The following SOX8 variants were observed in gnomAD, a reference collection of about 807,000 sequenced individuals.
SOX8 encodes transcription factor SOX-8.
SOX8 carries 9 observed loss-of-function variants against 22.9 expected under a neutral mutation model. The observed-to-expected ratio is 0.39, with a 90% CI of 0.24 to 0.69. The LOEUF (loss-of-function observed/expected upper bound fraction) is 0.69. Ranked by LOEUF, SOX8 falls within the 30% of genes least tolerant of loss-of-function variation. The pLI is 0.43. For missense variants in SOX8, 734 were observed against 699.4 expected (o/e 1.05, Z -0.56); for synonymous variants, 416 against 330.6 (o/e 1.26, Z -2.80).
Position 985,452 on chromosome 16 carries a change from G to A in SOX8, c.*66G>A. ...AGCCTTGTCCCGGCCCAGTGTGTGT[G>A]ACCAGGGCGGGAGGGGCCCCAGTGG... is the stretch of plus-strand genomic sequence containing the variant. On this transcript the variant is annotated 3_prime_UTR_variant, in exon 3 of 3. Coordinates refer to ENST00000293894, the MANE Select transcript of SOX8 (RefSeq NM_014587.5). 1 of 1,364,426 alleles carries A rather than the reference G, an allele frequency of 7.3e-7. No homozygotes were observed. Among genetic ancestry groups the A allele is most frequent in the Non-Finnish European group, 9.8e-7 (1 of 1,025,634 alleles). 84.5% of individuals were successfully genotyped at this position (1,364,426 alleles called of 1,614,324 possible). A position where few individuals can be genotyped will look rare whatever the true frequency, so the allele number is the denominator to read the frequency against.
Position 981,918 on chromosome 16 carries a change from C to T in SOX8, c.-5C>T. 1 of 1,279,944 alleles carries T rather than the reference C, an allele frequency of 7.8e-7. No homozygotes were observed. The highest frequency in any genetic ancestry group is 9.9e-7 in the Non-Finnish European group (1 of 1,012,160). 79.3% of individuals were successfully genotyped at this position (1,279,944 alleles called of 1,614,324 possible). On this transcript the variant is annotated 5_prime_UTR_variant, in exon 1 of 3. Coordinates refer to ENST00000293894, the MANE Select transcript of SOX8 (RefSeq NM_014587.5). ...CCTGTGCGCGCCCCTCCGCGCGCGG[C>T]CCCGATGCTGGACATGAGCGAGGCC...
At position 985,435 on chromosome 16, in the gene SOX8, C is replaced by G; in HGVS notation, c.*49C>G. 1 of 1,431,522 alleles carries G rather than the reference C, an allele frequency of 7.0e-7. No individual in the cohort carries two copies. The highest frequency in any genetic ancestry group is 9.3e-7 in the Non-Finnish European group (1 of 1,076,666). 88.7% of individuals were successfully genotyped at this position (1,431,522 alleles called of 1,614,324 possible). A position where few individuals can be genotyped will look rare whatever the true frequency, so the allele number is the denominator to read the frequency against. ...CGCAGGCGTCAGGGGGCAGCCTTGTCCCGGCCCAGTGTGTGTGACCAGGGC... is the reference window on the plus strand; with the variant it reads ...CGCAGGCGTCAGGGGGCAGCCTTGTGCCGGCCCAGTGTGTGTGACCAGGGC... On this transcript the variant is annotated 3_prime_UTR_variant, in exon 3 of 3. Coordinates refer to ENST00000293894, the MANE Select transcript of SOX8 (RefSeq NM_014587.5).
chr16:985,559 T>G lies in SOX8; in HGVS notation c.*173T>G. 1.8e-6 allele frequency: 1 copy of G among 559,104 alleles called. No homozygotes were observed. Among genetic ancestry groups the G allele is most frequent in the Non-Finnish European group, 3.1e-6 (1 of 321,890 alleles). The allele number at this position is 559,104 out of a possible 1,614,324, so 34.6% of individuals were successfully genotyped here. ...CTCGGCCTCCAGATGGCCACACCTC[T>G]GCCGACGACGGACCAGCTCCCTCTC... On this transcript the variant is annotated 3_prime_UTR_variant, in exon 3 of 3. Coordinates refer to ENST00000293894, the MANE Select transcript of SOX8 (RefSeq NM_014587.5).
chr16:984,156 C>T (rs11863645), intron 2 of SOX8, among the ~76,000 whole-genome samples, 196 bp downstream of exon 2: 4,481 of 152,330 alleles, frequency 0.029, 214 homozygotes, highest in African/African-American at 0.1. Context: ...TGCTTAGCCA[C>T]CTTGAGTGCT....
Position 982,033 on chromosome 16 carries a change from C to T in SOX8, c.111C>T (p.Ala37=), listed in dbSNP as rs2073394391. The T allele has an allele frequency of 2.2e-6, 3 of 1,380,854 alleles. No individual in the cohort carries two copies. The highest frequency in any genetic ancestry group is 2.8e-5 in the Admixed American group (1 of 35,368). 85.5% of individuals were successfully genotyped at this position (1,380,854 alleles called of 1,614,324 possible). A position where few individuals can be genotyped will look rare whatever the true frequency, so the allele number is the denominator to read the frequency against. The change falls in exon 1 of 3, where the codon GCC becomes GCT. Residue 37 remains alanine, a synonymous_variant. Transcript: ENST00000293894. ...DSDSDAPPSP[A]GSEGLGRAGV... is the part of the protein sequence containing the mutation. The stretch of plus-strand genomic sequence containing the variant: ...ACTCGGACGCGCCGCCGTCTCCCGC[C>T]GGCTCCGAGGGCCTGGGCCGCGCGG...
In SOX8 at chr16:984,930, C is replaced by T. The variant is rs56253414; in HGVS notation, c.885C>T (p.Ala295=). Reference sequence around the variant, plus strand: ...AGTACCTGCCCCTGGGCGGCCCCGCCCCACCCGAGCCGGGCCAGGCCTATG... The same window carrying T: ...AGTACCTGCCCCTGGGCGGCCCCGCTCCACCCGAGCCGGGCCAGGCCTATG... ...FDQYLPLGGP[A]PPEPGQAYGG... is the part of the protein sequence containing the mutation. Residue 295 remains alanine, a synonymous_variant, in exon 3 of 3, where the codon GCC becomes GCT. Coordinates refer to ENST00000293894, the MANE Select transcript of SOX8 (RefSeq NM_014587.5). 4 of 1,602,792 alleles carry T rather than the reference C, an allele frequency of 2.5e-6. No individual in the cohort carries two copies. In the African/African-American group the frequency reaches 4.0e-5, roughly 16 times the overall value.
Position 985,524 on chromosome 16 carries a change from G to A in SOX8, c.*138G>A. 1 of 697,032 alleles carries A rather than the reference G, an allele frequency of 1.4e-6. No individual in the cohort carries two copies. Among genetic ancestry groups the A allele is most frequent in the Non-Finnish European group, 2.3e-6 (1 of 441,728 alleles). 43.2% of individuals were successfully genotyped at this position (697,032 alleles called of 1,614,324 possible). Reference sequence around the variant, plus strand: ...AAGTCTGCAGGGAAACACGCTTGCTGCCCGTGGCCCTCGGCCTCCAGATGG... The same window carrying A: ...AAGTCTGCAGGGAAACACGCTTGCTACCCGTGGCCCTCGGCCTCCAGATGG... On this transcript the variant is annotated 3_prime_UTR_variant, in exon 3 of 3. Transcript: ENST00000293894.
At chr16:983,028 T>G (rs1399465979) in intron 1 of SOX8, 1 of 152,356 alleles carries the variant, frequency 6.6e-6, no homozygotes, top group Non-Finnish European at 1.5e-5. Flanking sequence ...CCGAGTGTCC[T>G]CTGGTTGGGT....
rs899678143 is a variant in SOX8 at position 981,985 on chromosome 16, C to T, written c.63C>T (p.Ser21=). 2.8e-6 allele frequency: 4 copies of T among 1,449,210 alleles called. No individual in the cohort carries two copies. Among genetic ancestry groups the T allele is most frequent in the Middle Eastern group, 2.6e-4 (1 of 3,852 alleles). The allele number at this position is 1,449,210 out of a possible 1,614,324, so 89.8% of individuals were successfully genotyped here. The part of the protein sequence containing the change: ...PPCSPSGTAS[S]MSHVEDSDSD... ...GCAGCCCGTCCGGCACCGCCAGCTC[C>T]ATGTCGCACGTGGAGGACTCGGACT... is the stretch of plus-strand genomic sequence containing the variant. Residue 21 remains serine (S), a synonymous_variant, in exon 1 of 3, where the codon TCC becomes TCT. Coordinates refer to ENST00000293894, the MANE Select transcript of SOX8 (RefSeq NM_014587.5).
chr16:983,648 C>A, intron 1 of SOX8, 80 bp from the exon 2 acceptor site: 1 of 1,348,376 alleles, frequency 7.4e-7, no homozygotes, highest in Non-Finnish European at 1.0e-6. Flanking sequence ...GCCTCTGCTG[C>A]CGGTTCCCCC....
chr16:984,548 G>A (rs1244650157), intron 2 of SOX8, among the ~76,000 whole-genome samples, 153 bp from the exon 3 acceptor site: 2 of 152,226 alleles, frequency 1.3e-5, no homozygotes, highest in Non-Finnish European at 1.5e-5. Context: ...GTCTAGGTCT[G>A]ACTTTGCTGG....
chr16:982,680 G>C (rs1268847198), intron 1 of SOX8: 1 of 255,904 alleles, frequency 3.9e-6, no homozygotes, highest in African/African-American at 2.2e-5. Context: ...CAGCCGTTGC[G>C]AGTGGCCCCA....
chr16:981,906 C>T lies in SOX8; in HGVS notation c.-17C>T. The T allele has an allele frequency of 8.1e-7, 1 of 1,234,284 alleles. No homozygotes were observed. The highest frequency in any genetic ancestry group is 1.0e-6 in the Non-Finnish European group (1 of 987,170). 76.5% of individuals were successfully genotyped at this position (1,234,284 alleles called of 1,614,324 possible). Reference sequence around the variant, plus strand: ...CGGTGCGCGTCTCCTGTGCGCGCCCCTCCGCGCGCGGCCCCGATGCTGGAC... The same window carrying T: ...CGGTGCGCGTCTCCTGTGCGCGCCCTTCCGCGCGCGGCCCCGATGCTGGAC... On this transcript the variant is annotated 5_prime_UTR_variant, in exon 1 of 3. Coordinates refer to ENST00000293894, the MANE Select transcript of SOX8 (RefSeq NM_014587.5).
Position 982,282 on chromosome 16 carries a change from G to A in SOX8, c.360G>A (p.Leu120=), listed in dbSNP as rs532542071. ...MVWAQAARRK[L]ADQYPHLHNA... is the part of the protein sequence containing the mutation. ...GGGCGCAGGCGGCGCGCCGCAAGCT[G>A]GCCGACCAGTACCCGCACCTGCACA... The change falls in exon 1 of 3, where the codon CTG becomes CTA. Residue 120 remains leucine, a synonymous_variant. Coordinates refer to ENST00000293894, the MANE Select transcript of SOX8 (RefSeq NM_014587.5). 10 of 1,522,542 alleles carry A rather than the reference G, an allele frequency of 6.6e-6. No homozygotes were observed. The African/African-American group carries it at 8.6e-5, about 13-fold the overall frequency. 94.3% of individuals were successfully genotyped at this position (1,522,542 alleles called of 1,614,324 possible). A position where few individuals can be genotyped will look rare whatever the true frequency, so the allele number is the denominator to read the frequency against.
rs2073462969 is a variant in SOX8, at chr16:986,438, T to A, written c.*1052T>A. ...TGGTAGGACACATAGGACACAGGAATTCCTGGGTCCTTGCCCATGACTGTG... is the reference window on the plus strand; with the variant it reads ...TGGTAGGACACATAGGACACAGGAAATCCTGGGTCCTTGCCCATGACTGTG... On this transcript the variant is annotated 3_prime_UTR_variant, in exon 3 of 3. Transcript: ENST00000293894. 6.6e-6 allele frequency: 1 copy of A among 152,230 alleles called. No homozygotes were observed. The highest frequency in any genetic ancestry group is 6.5e-5 in the Admixed American group (1 of 15,286). 9.4% of individuals were successfully genotyped at this position (152,230 alleles called of 1,614,324 possible).
chr16:982,417 T>C, intron 1 of SOX8, 73 bp downstream of exon 1: 1 of 1,270,700 alleles, frequency 7.9e-7, no homozygotes. Context: ...AGCGGGGGCC[T>C]GGAGGGCGCA....
chr16:981,889 G>T lies in SOX8; in HGVS notation c.-34G>T, dbSNP rs1457418910. 7.4e-5 allele frequency: 87 copies of T among 1,169,776 alleles called. No homozygotes were observed. The highest frequency in any genetic ancestry group is 9.0e-5 in the Non-Finnish European group (85 of 949,142). The allele number at this position is 1,169,776 out of a possible 1,614,324, so 72.5% of individuals were successfully genotyped here. On this transcript the variant is annotated 5_prime_UTR_variant, in exon 1 of 3. Coordinates refer to ENST00000293894, the MANE Select transcript of SOX8 (RefSeq NM_014587.5). ...GCCCCGGGCGCCGGCCCCGGTGCGC[G>T]TCTCCTGTGCGCGCCCCTCCGCGCG... is the stretch of plus-strand genomic sequence containing the variant.
intron 1 of SOX8, 41 bp downstream of exon 1, chr16:982,385 C>T (rs2151519821): frequency 2.3e-6 from 3 of 1,307,118 alleles, no homozygotes; most frequent in African/African-American, 3.1e-5. Flanking sequence ...GGGACCTTGG[C>T]CGCCCCTGGT....
Position 986,059 on chromosome 16 carries a change from T to A in SOX8, c.*673T>A, listed in dbSNP as rs1000414213. 5 of 152,112 alleles carry A rather than the reference T, an allele frequency of 3.3e-5. No homozygotes were observed. Among genetic ancestry groups the A allele is most frequent in the Non-Finnish European group, 5.9e-5 (4 of 67,998 alleles). 9.4% of individuals were successfully genotyped at this position (152,112 alleles called of 1,614,324 possible). On this transcript the variant is annotated 3_prime_UTR_variant, in exon 3 of 3. Coordinates refer to ENST00000293894, the MANE Select transcript of SOX8 (RefSeq NM_014587.5). ...AAAGCTGTTAAAGATGTATTTATGT[T>A]CTGTGTTATTTTATCTTTAATTAAT...
Sources: gnomAD v4.1 joint callset for allele counts (sites outside exome capture counted in the v4.1 genomes callset) on GRCh38, gnomAD v4.1.1 for gene constraint, MANE v1.5 for transcripts, NCBI Gene and HGNC (gene_info 2026-07-23, HGNC 2026-07-21) for gene names.